SYBU: variants seen among roughly 807,000 people sequenced by gnomAD.
The protein encoded by SYBU is syntabulin, also known as GOLSYN A protein.
In SYBU, 21 loss-of-function variants were observed where a neutral mutation model predicts 35.9. The observed-to-expected ratio is 0.58, with a 90% CI of 0.41 to 0.84. The LOEUF (loss-of-function observed/expected upper bound fraction) is 0.84. SYBU is among the 40% of genes least tolerant of loss of function. The probability of loss-of-function intolerance (pLI) is 0.00; values close to 1 mark genes in which losing one functional copy is unlikely to be tolerated. For synonymous variants in SYBU, 319 were observed against 324.3 expected, an observed-to-expected ratio of 0.98 and a Z score of 0.18; for missense variants, 768 against 848.2, an observed-to-expected ratio of 0.91 and a Z score of 1.17.
intron 3 of SYBU, among the ~76,000 whole-genome samples, chr8:109,591,904 G>C (rs1465099811): frequency 6.6e-6 from 1 of 151,776 alleles, no homozygotes; most frequent in East Asian, 1.9e-4. Flanking sequence ...AAGACACCTG[G>C]GTTTGAATCT....
intron 1 of SYBU, among the ~76,000 whole-genome samples, chr8:109,651,957 A>G (rs775556217): frequency 1.3e-5 from 2 of 152,278 alleles, no homozygotes; most frequent in Non-Finnish European, 2.9e-5. Context: ...AGTAGAAGGC[A>G]TGATGAATGC....
intron 3 of SYBU, among the ~76,000 whole-genome samples, chr8:109,618,565 A>G (rs891144349): frequency 2.6e-5 from 4 of 152,196 alleles, no homozygotes; most frequent in African/African-American, 9.7e-5. Context: ...ATGCTTGTTA[A>G]AACATCTGGC....
At chr8:109,585,972 A>T in intron 4 of SYBU, 88 bp downstream of exon 4, 1 of 810,252 alleles carries the variant, frequency 1.2e-6, no homozygotes, top group Non-Finnish European at 2.0e-6. Flanking sequence ...ATGAACGGAC[A>T]GTAATCCGGG....
At chr8:109,654,051 T>A (rs1159553227) in intron 1 of SYBU, among the ~76,000 whole-genome samples, 1 of 146,032 alleles carries the variant, frequency 6.8e-6, no homozygotes. Flanking sequence ...CGTTAGCTAT[T>A]TTTTTTTATA....
intron 1 of SYBU, among the ~76,000 whole-genome samples, chr8:109,670,383 A>T (rs1397403612): frequency 6.6e-6 from 1 of 151,724 alleles, no homozygotes; most frequent in Non-Finnish European, 1.5e-5. Context: ...ATCTAAAAAA[A>T]AATAAAAAAA....
At chr8:109,667,478 C>T (rs1350594606) in intron 1 of SYBU, among the ~76,000 whole-genome samples, 1 of 151,084 alleles carries the variant, frequency 6.6e-6, no homozygotes, top group Non-Finnish European at 1.5e-5. Flanking sequence ...AACACCATTG[C>T]CATCAATTTG....
At chr8:109,611,094 C>A (rs56734752) in intron 3 of SYBU, among the ~76,000 whole-genome samples, 1 of 152,210 alleles carries the variant, frequency 6.6e-6, no homozygotes, top group Non-Finnish European at 1.5e-5. Flanking sequence ...AGGTTTATTT[C>A]TGTTATGCTG....
intron 1 of SYBU, chr8:109,643,686 A>T (rs1229500877): frequency 6.3e-6 from 1 of 159,892 alleles, no homozygotes; most frequent in African/African-American, 2.4e-5. Flanking sequence ...GCGTAACAGT[A>T]ATATTTTCAC....
chr8:109,621,183 G>C (rs1812363971), intron 2 of SYBU, among the ~76,000 whole-genome samples: 1 of 152,160 alleles, frequency 6.6e-6, no homozygotes, highest in African/African-American at 2.4e-5. Context: ...ATTGAGAAAT[G>C]CTATCAAAAT....
chr8:109,618,135 G>A (rs1409759338), intron 3 of SYBU, among the ~76,000 whole-genome samples: 1 of 152,190 alleles, frequency 6.6e-6, no homozygotes, highest in African/African-American at 2.4e-5. Flanking sequence ...AATGTTAGAG[G>A]ATACCTCCCA....
chr8:109,641,033 T>C (rs1814814747), intron 2 of SYBU, among the ~76,000 whole-genome samples: 1 of 152,212 alleles, frequency 6.6e-6, no homozygotes, highest in Non-Finnish European at 1.5e-5. Context: ...TTTCTTCTCA[T>C]ACATGTGTTA....
At chr8:109,579,666 G>A in intron 5 of SYBU, 133 bp downstream of exon 5, 4 of 819,124 alleles carry the variant, frequency 4.9e-6, no homozygotes, top group Non-Finnish European at 1.9e-6. Context: ...GCCGAATGTG[G>A]GAAAGAAAAA....
chr8:109,639,181 T>C (rs1458340329), intron 2 of SYBU, among the ~76,000 whole-genome samples: 1 of 152,156 alleles, frequency 6.6e-6, no homozygotes, highest in Non-Finnish European at 1.5e-5. Flanking sequence ...AACATCAACA[T>C]TGAGTTGACA....
chr8:109,648,103 A>G (rs752375174), upstream of SYBU: 11 of 151,768 alleles, frequency 7.2e-5, no homozygotes, highest in Non-Finnish European at 1.6e-4. Context: ...CTTATGCATC[A>G]TTTTCATTTT....
At chr8:109,625,953 C>T (rs1372484443) in intron 2 of SYBU, among the ~76,000 whole-genome samples, 1 of 152,088 alleles carries the variant, frequency 6.6e-6, no homozygotes, top group Non-Finnish European at 1.5e-5. Context: ...AAATACCTGC[C>T]AGTACTAAAT....
intron 1 of SYBU, among the ~76,000 whole-genome samples, chr8:109,686,807 A>C (rs567823572): frequency 1.3e-5 from 2 of 152,346 alleles, no homozygotes; most frequent in South Asian, 4.1e-4. Flanking sequence ...TTCTGAGATT[A>C]AATTCATATT....
chr8:109,641,626 G>T (rs1364308137), intron 2 of SYBU, among the ~76,000 whole-genome samples: 1 of 152,192 alleles, frequency 6.6e-6, no homozygotes, highest in Non-Finnish European at 1.5e-5. Flanking sequence ...AACTCTCCTT[G>T]ATCTTGACCT....
In SYBU at chr8:109,642,916, T is replaced by C. The variant is rs1223722234; in HGVS notation, c.41A>G (p.Gln14Arg). ...LRESKKEHRV[Q>R]HHDKEISRSR... ...TCGAGAAATCTCCTTGTCATGATGC[T>C]GCACTCTGTGCTCCTTCTCAAAATT... Residue 14 changes from glutamine (Q) to arginine (R), a missense_variant, in exon 2 of 7, where the codon CAG becomes CGG. Coordinates refer to ENST00000276646, the MANE Select transcript of SYBU (RefSeq NM_001099754.2). 6.5e-7 allele frequency: 1 copy of C among 1,532,332 alleles called. No individual in the cohort carries two copies. The highest frequency in any genetic ancestry group is 8.8e-7 in the Non-Finnish European group (1 of 1,136,836). 94.9% of individuals were successfully genotyped at this position (1,532,332 alleles called of 1,614,324 possible).
intron 3 of SYBU, among the ~76,000 whole-genome samples, chr8:109,613,958 T>C (rs1811467961): frequency 6.6e-6 from 1 of 152,210 alleles, no homozygotes; most frequent in Non-Finnish European, 1.5e-5. Context: ...AGGGGTAGTG[T>C]CTGATGACAA....
Sources: gnomAD v4.1 joint callset for allele counts (sites outside exome capture counted in the v4.1 genomes callset) on GRCh38, gnomAD v4.1.1 for gene constraint, MANE v1.5 for transcripts, NCBI Gene and HGNC (gene_info 2026-07-23, HGNC 2026-07-21) for gene names.